The following CELF2 variants were observed in gnomAD, a reference collection of about 807,000 sequenced individuals.
The protein encoded by CELF2 is CUG triplet repeat RNA-binding protein 2.
A neutral mutation model predicts 62.6 loss-of-function variants in CELF2; 8 were observed. That is an observed-to-expected ratio of 0.13 (90% CI 0.07 to 0.23). The LOEUF (loss-of-function observed/expected upper bound fraction) is 0.23, where lower values mean the gene tolerates loss of function less well. CELF2 is among the 10% of genes least tolerant of loss of function. The pLI is 1.00. For synonymous variants in CELF2, 258 were observed against 250.0 expected (o/e 1.03, Z -0.30); for missense variants, 333 against 671.0 (o/e 0.50, Z 5.56).
At chr10:10,757,859 A>G in the CELF2 span, among the ~76,000 whole-genome samples, 2 of 152,236 alleles carry the variant, frequency 1.3e-5, no homozygotes, top group African/African-American at 4.8e-5. Flanking sequence ...TAAATTTTAT[A>G]TAGTTTAAAA....
chr10:10,933,422 A>G (rs1338853879), intron 2 of CELF2, among the ~76,000 whole-genome samples: 1 of 152,192 alleles, frequency 6.6e-6, no homozygotes, highest in African/African-American at 2.4e-5. Context: ...CATCTCATAC[A>G]ATTATCATTT....
chr10:11,301,389 C>T (rs2093707412), intron 9 of CELF2, among the ~76,000 whole-genome samples: 2 of 109,972 alleles, frequency 1.8e-5, no homozygotes, highest in Admixed American at 8.7e-5. Context: ...CACTTCCCCC[C>T]TCCCCCCGCT....
intron 2 of CELF2, among the ~76,000 whole-genome samples, chr10:10,939,211 GCCGCTAT>G (rs2046755842): frequency 7.2e-6 from 1 of 138,610 alleles, no homozygotes; most frequent in African/African-American, 2.7e-5. Context: ...TATCAGTGTG[GCCGCTAT>G]TGTAACCCCA....
intron 1 of CELF2, among the ~76,000 whole-genome samples, chr10:10,884,188 C>T (rs1473450834): frequency 2.0e-5 from 3 of 152,298 alleles, no homozygotes; most frequent in African/African-American, 4.8e-5. Flanking sequence ...AAACGATCAT[C>T]TTGAAGGTCC....
chr10:11,067,159 A>T (rs1282265269), intron 1 of CELF2, among the ~76,000 whole-genome samples: 1 of 152,200 alleles, frequency 6.6e-6, no homozygotes, highest in Non-Finnish European at 1.5e-5. Flanking sequence ...GAGGAACCTC[A>T]GCTTGTAATA....
rs80155621 is a variant in CELF2, at chr10:10,847,883, A to C, written c.53+49066A>C. Among the ~76,000 whole-genome samples, 783 of 152,354 alleles carry C rather than the reference A, an allele frequency of 5.1e-3. 9 individuals carry two copies. Among genetic ancestry groups the C allele is most frequent in the African/African-American group, 0.017 (721 of 41,588 alleles). ...TGTGAAGATACAACATTGGCTGCACACACAGCAAAAATGACTGTATTTAAA... is the reference window on the plus strand; with the variant it reads ...TGTGAAGATACAACATTGGCTGCACCCACAGCAAAAATGACTGTATTTAAA... On this transcript the variant is annotated intron_variant, in intron 1 of 13. Transcript: ENST00000636488.
At chr10:10,792,553 C>T in the CELF2 span, 1 of 396,878 alleles carries the variant, frequency 2.5e-6, no homozygotes. Flanking sequence ...AAAACCAGAA[C>T]AATCTAAAGC....
chr10:10,855,325 A>G (rs1046998940), intron 1 of CELF2, among the ~76,000 whole-genome samples: 1 of 152,190 alleles, frequency 6.6e-6, no homozygotes, highest in South Asian at 2.1e-4. Flanking sequence ...TGTGGTACCA[A>G]AGTGACACTG....
intron 1 of CELF2, among the ~76,000 whole-genome samples, chr10:10,909,764 T>C (rs2063649930): frequency 6.6e-6 from 1 of 152,238 alleles, no homozygotes; most frequent in African/African-American, 2.4e-5. Context: ...ATGAGGTGGA[T>C]AAAATCTCTT....
the CELF2 span, among the ~76,000 whole-genome samples, chr10:10,782,861 G>A: frequency 6.6e-6 from 1 of 152,174 alleles, no homozygotes; most frequent in East Asian, 1.9e-4. Context: ...ATTTATTTGG[G>A]GAGAGCAGTA....
At chr10:10,733,095 C>T in the CELF2 span, among the ~76,000 whole-genome samples, 1 of 152,098 alleles carries the variant, frequency 6.6e-6, no homozygotes, top group Admixed American at 6.5e-5. Flanking sequence ...AATCTACTAA[C>T]AGTCAATCAA....
chr10:10,798,144 A>G (rs1348307062), upstream of CELF2, among the ~76,000 whole-genome samples: 1 of 152,212 alleles, frequency 6.6e-6, no homozygotes, highest in Non-Finnish European at 1.5e-5. Context: ...AGTAAAGTCT[A>G]GCTTGTTTGC....
chr10:10,843,592 A>G (rs2058823477), intron 1 of CELF2, among the ~76,000 whole-genome samples: 1 of 151,880 alleles, frequency 6.6e-6, no homozygotes, highest in South Asian at 2.1e-4. Flanking sequence ...TCATAATGGG[A>G]TCTATCTTGG....
chr10:11,064,994 T>G (rs2067706826), intron 1 of CELF2, among the ~76,000 whole-genome samples: 1 of 152,250 alleles, frequency 6.6e-6, no homozygotes, highest in South Asian at 2.1e-4. Flanking sequence ...CTATCCCTGG[T>G]AATCCTGTAA....
chr10:10,974,366 C>G (rs940284884), intron 2 of CELF2, among the ~76,000 whole-genome samples: 2 of 152,150 alleles, frequency 1.3e-5, no homozygotes, highest in African/African-American at 4.8e-5. Flanking sequence ...AATTTTCTCT[C>G]TAACTGTAGT....
chr10:11,079,763 A>G (rs2762550), intron 1 of CELF2, among the ~76,000 whole-genome samples: 8,869 of 129,242 alleles, frequency 0.069, 495 homozygotes, highest in African/African-American at 0.16. Context: ...TTTTTAGGCC[A>G]TGGAATCTAG....
At chr10:10,965,443 C>T (rs955999477) in intron 2 of CELF2, among the ~76,000 whole-genome samples, 4 of 152,106 alleles carry the variant, frequency 2.6e-5, no homozygotes, top group South Asian at 4.1e-4. Flanking sequence ...TAGATACATT[C>T]GATCCCAAAC....
At chr10:10,617,200 G>A in the CELF2 span, among the ~76,000 whole-genome samples, 10 of 152,162 alleles carry the variant, frequency 6.6e-5, no homozygotes. Context: ...TTGGGAATAT[G>A]AGTTTGCAAA....
In CELF2 at chr10:11,199,859, T is replaced by C. The variant is rs984132847; in HGVS notation, c.272-17566T>C. 2.0e-5 allele frequency among the ~76,000 whole-genome samples: 3 copies of C among 152,204 alleles called. No individual in the cohort carries two copies. The East Asian group carries it at 5.8e-4, about 29-fold the overall frequency. ...ATAAGATAAAACCAGTCAGAGTGTT[T>C]AAGCTAGAGGTAACCTGGAAGTGTC... On this transcript the variant is annotated intron_variant, in intron 2 of 12. Transcript: ENST00000633077.
Sources: allele counts gnomAD v4.1 joint callset (sites outside exome capture counted in the v4.1 genomes callset), GRCh38; gene constraint gnomAD v4.1.1; transcripts MANE v1.5; gene names NCBI Gene and HGNC (gene_info 2026-07-23, HGNC 2026-07-21).